The following GRIK1 variants were observed in gnomAD, a reference collection of about 807,000 sequenced individuals.
The protein encoded by GRIK1 is glutamate ionotropic receptor kainate type subunit 1.
In GRIK1, 69 loss-of-function variants were observed where a neutral mutation model predicts 105.7. The ratio of observed to expected loss-of-function variants is 0.65; its 90% CI spans 0.54 to 0.80. The LOEUF is 0.80. Ranked by LOEUF, GRIK1 falls within the 30% of genes least tolerant of loss-of-function variation. The probability of loss-of-function intolerance (pLI) is 0.00; values close to 1 mark genes in which losing one functional copy is unlikely to be tolerated. For synonymous variants in GRIK1, 438 were observed against 431.3 expected, an observed-to-expected ratio of 1.02 and a Z score of -0.19; for missense variants, 1,109 against 1,167.3, an observed-to-expected ratio of 0.95 and a Z score of 0.73.
chr21:29,898,243 G>A (rs561780665), intron 1 of GRIK1, among the ~76,000 whole-genome samples: 3 of 152,144 alleles, frequency 2.0e-5, no homozygotes, highest in Non-Finnish European at 4.4e-5. Flanking sequence ...CAGAACAAAA[G>A]TCCCTGCCCC....
At chr21:29,657,772 G>A (rs1355443908) in intron 4 of GRIK1, 1 of 152,188 alleles carries the variant, frequency 6.6e-6, no homozygotes, top group East Asian at 1.9e-4. Flanking sequence ...AAGCAGCTGA[G>A]ACCAGTAGCC....
chr21:29,801,720 C>G (rs1336322576), intron 1 of GRIK1, among the ~76,000 whole-genome samples: 2 of 152,094 alleles, frequency 1.3e-5, no homozygotes, highest in African/African-American at 4.8e-5. Flanking sequence ...AACATAAACT[C>G]TTTATAAAAC....
intron 1 of GRIK1, among the ~76,000 whole-genome samples, chr21:29,777,866 G>C (rs554017544): frequency 6.6e-6 from 1 of 152,314 alleles, no homozygotes; most frequent in Admixed American, 6.5e-5. Flanking sequence ...GAGTGGCAAT[G>C]GGTCAAGTGA....
rs149823058 is a variant in GRIK1, at chr21:29,858,322, C to T, written c.118+81061G>A. ...AGAAGGCTGGATTCTTCAATAGTGACGTTTGCCCATGAAACCCAGTGCATG... is the reference window on the plus strand; with the variant it reads ...AGAAGGCTGGATTCTTCAATAGTGATGTTTGCCCATGAAACCCAGTGCATG... On this transcript the variant is annotated intron_variant, in intron 1 of 17. Transcript: ENST00000327783. Among the ~76,000 whole-genome samples, 252 of 152,298 alleles carry T rather than the reference C, an allele frequency of 1.7e-3. 4 individuals are homozygous for T. The highest frequency in any genetic ancestry group is 0.012 in the South Asian group (59 of 4,820).
At chr21:29,638,529 G>A (rs183931793) in intron 7 of GRIK1, among the ~76,000 whole-genome samples, 8 of 152,202 alleles carry the variant, frequency 5.3e-5, no homozygotes, top group Non-Finnish European at 1.0e-4. Flanking sequence ...ACAATTACCC[G>A]TAAAGTGCAA....
chr21:29,873,301 T>C (rs182462507), intron 1 of GRIK1, among the ~76,000 whole-genome samples: 7 of 152,280 alleles, frequency 4.6e-5, no homozygotes, highest in African/African-American at 1.4e-4. Context: ...TCTCAGGGAT[T>C]TTAATATGTT....
At chr21:29,804,157 A>G (rs2066789992) in intron 1 of GRIK1, among the ~76,000 whole-genome samples, 2 of 152,128 alleles carry the variant, frequency 1.3e-5, no homozygotes, top group South Asian at 4.1e-4. Flanking sequence ...TTATCTTGAT[A>G]ATAACTCCCC....
intron 1 of GRIK1, among the ~76,000 whole-genome samples, chr21:29,813,416 A>G (rs772673342): frequency 6.6e-6 from 1 of 152,178 alleles, no homozygotes; most frequent in Non-Finnish European, 1.5e-5. Context: ...TCTTAGGAGC[A>G]CAAGAGAAAG....
intron 1 of GRIK1, chr21:29,861,686 G>A (rs376179229): frequency 2.3e-4 from 107 of 456,996 alleles, no homozygotes; most frequent in African/African-American, 2.0e-3. Flanking sequence ...ATTGGGTTTT[G>A]CCAAATGTAT....
intron 1 of GRIK1, among the ~76,000 whole-genome samples, chr21:29,707,099 C>T (rs778919755): frequency 6.6e-6 from 1 of 152,124 alleles, no homozygotes; most frequent in Non-Finnish European, 1.5e-5. Context: ...CTCCTGACCT[C>T]GTGATCCGCC....
chr21:29,539,858 C>G (rs1287635233), intron 16 of GRIK1, among the ~76,000 whole-genome samples: 1 of 152,154 alleles, frequency 6.6e-6, no homozygotes, highest in Non-Finnish European at 1.5e-5. Flanking sequence ...AAAGAGCTTG[C>G]ATTTGAACTC....
chr21:29,776,688 A>C (rs533182045), intron 1 of GRIK1, among the ~76,000 whole-genome samples: 40 of 152,184 alleles, frequency 2.6e-4, no homozygotes, highest in Non-Finnish European at 5.3e-4. Flanking sequence ...TAAAGTTTAG[A>C]AGGGGTTGTT....
intron 1 of GRIK1, chr21:29,759,121 C>CTTTTTTTTTTTTT (rs368468748): frequency 6.9e-6 from 1 of 144,484 alleles, no homozygotes; most frequent in Non-Finnish European, 1.5e-5. Flanking sequence ...TTTTCTTTTT[C>CTTTTTTTTTTTTT]TTTTCTTTTT....
chr21:29,826,759 TTTA>T (rs781774915), intron 1 of GRIK1, among the ~76,000 whole-genome samples: 17 of 152,032 alleles, frequency 1.1e-4, no homozygotes, highest in Non-Finnish European at 1.9e-4. Flanking sequence ...GAGAGAGAAA[TTTA>T]TTGATTCTTA....
chr21:29,884,347 T>G (rs946721001), intron 1 of GRIK1, among the ~76,000 whole-genome samples: 1 of 152,082 alleles, frequency 6.6e-6, no homozygotes, highest in Non-Finnish European at 1.5e-5. Context: ...TATCGTAAAA[T>G]GTTTTTGAAT....
intron 1 of GRIK1, among the ~76,000 whole-genome samples, chr21:29,837,108 G>A (rs983446331): frequency 2.6e-5 from 4 of 152,098 alleles, no homozygotes; most frequent in African/African-American, 9.7e-5. Flanking sequence ...TTTCTGAATG[G>A]GATGTAATCG....
intron 1 of GRIK1, among the ~76,000 whole-genome samples, chr21:29,785,035 C>T (rs1478409788): frequency 6.6e-6 from 1 of 152,268 alleles, no homozygotes; most frequent in East Asian, 1.9e-4. Flanking sequence ...CAAAACAAAA[C>T]AAACCCAGGG....
intron 1 of GRIK1, among the ~76,000 whole-genome samples, chr21:29,891,012 A>T (rs940465574): frequency 2.0e-5 from 3 of 152,192 alleles, no homozygotes; most frequent in Non-Finnish European, 2.9e-5. Context: ...TCTTAAACTG[A>T]GCCACACAAA....
intron 1 of GRIK1, among the ~76,000 whole-genome samples, chr21:29,835,265 T>C (rs770065139): frequency 2.6e-5 from 4 of 152,198 alleles, no homozygotes; most frequent in Non-Finnish European, 5.9e-5. Flanking sequence ...CCCCTGGCAT[T>C]AATCTGCTCA....
Sources: allele counts gnomAD v4.1 joint callset (sites outside exome capture counted in the v4.1 genomes callset), GRCh38; gene constraint gnomAD v4.1.1; transcripts MANE v1.5; gene names NCBI Gene and HGNC (gene_info 2026-07-23, HGNC 2026-07-21).